The following GPHN variants were observed in gnomAD, a reference collection of about 807,000 sequenced individuals.
GPHN encodes gephyrin.
Under a neutral mutation model 95.5 loss-of-function variants are expected in GPHN, and 17 were observed. The observed-to-expected ratio is 0.18, with a 90% CI of 0.12 to 0.27. The LOEUF (loss-of-function observed/expected upper bound fraction) is 0.27, where lower values mean the gene tolerates loss of function less well. Ranked by LOEUF, GPHN falls within the 10% of genes least tolerant of loss-of-function variation. GPHN has a pLI of 1.00. For missense variants in GPHN, 660 were observed against 978.1 expected (o/e 0.67, Z 4.34); for synonymous variants, 320 against 322.5 (o/e 0.99, Z 0.08).
rs753733792 is a variant in GPHN at position 66,776,473 on chromosome 14, G to T, written c.153G>T (p.Gly51=). ...DLVQDPSLLG[G]TISAYKIVPD... ...CTTCTCCTAATTTCAGGTTGGGTGG[G>T]ACTATATCAGCATACAAGATAGTAC... Residue 51 remains glycine (G), a synonymous_variant, in exon 3 of 23, where the codon GGG becomes GGT. Coordinates refer to ENST00000478722, the MANE Select transcript of GPHN (RefSeq NM_020806.5). 1 of 1,562,546 alleles carries T rather than the reference G, an allele frequency of 6.4e-7. No individual in the cohort carries two copies. Among genetic ancestry groups the T allele is most frequent in the Non-Finnish European group, 8.8e-7 (1 of 1,135,224 alleles).
chr14:66,772,100 C>G (rs1407042000), intron 2 of GPHN, among the ~76,000 whole-genome samples: 1 of 150,938 alleles, frequency 6.6e-6, no homozygotes, highest in Non-Finnish European at 1.5e-5. Flanking sequence ...AAAAATAAAC[C>G]TTTGTCCTTT....
chr14:67,585,740 C>G, the GPHN span: 8 of 1,138,472 alleles, frequency 7.0e-6, 1 homozygote, highest in South Asian at 1.1e-4. Flanking sequence ...AAAGCCTGAA[C>G]CAAGTGACCA....
At chr14:66,891,969 TAATA>T (rs1040944275) in intron 5 of GPHN, among the ~76,000 whole-genome samples, 3 of 152,150 alleles carry the variant, frequency 2.0e-5, no homozygotes, top group Admixed American at 1.3e-4. Flanking sequence ...AAAAAAATAA[TAATA>T]AATAAGTGGT....
chr14:66,984,497 A>G (rs951851526), intron 9 of GPHN, among the ~76,000 whole-genome samples: 2 of 152,216 alleles, frequency 1.3e-5, no homozygotes, highest in Non-Finnish European at 2.9e-5. Flanking sequence ...AAGTTGATGC[A>G]ACTCTTATAT....
At chr14:67,301,863 A>C in the GPHN span, 1 of 1,207,508 alleles carries the variant, frequency 8.3e-7, no homozygotes, top group Non-Finnish European at 1.1e-6. Flanking sequence ...AATTAATTAT[A>C]ACACTTTTAA....
At chr14:66,915,576 T>C (rs140323378) in intron 5 of GPHN, among the ~76,000 whole-genome samples, 12 of 152,336 alleles carry the variant, frequency 7.9e-5, no homozygotes, top group South Asian at 6.2e-4. Context: ...TTAAAACTTA[T>C]AGACTTCCTG....
intron 2 of GPHN, among the ~76,000 whole-genome samples, chr14:66,736,303 T>A (rs2153436708): frequency 6.6e-6 from 1 of 152,276 alleles, no homozygotes; most frequent in East Asian, 1.9e-4. Context: ...AAAATTGTAT[T>A]TTGGTCACCT....
chr14:67,100,736 TC>T, intron 12 of GPHN, 119 bp from the exon 13 acceptor site: 1 of 729,016 alleles, frequency 1.4e-6, no homozygotes, highest in Non-Finnish European at 2.5e-6. Context: ...AGAAAAATAT[TC>T]CACTTCTCTA....
At chr14:66,691,669 C>G (rs2067791557) in intron 2 of GPHN, among the ~76,000 whole-genome samples, 1 of 152,048 alleles carries the variant, frequency 6.6e-6, no homozygotes, top group Non-Finnish European at 1.5e-5. Flanking sequence ...ATCATTTGGC[C>G]CACTAAGCTG....
chr14:67,457,591 G>C, the GPHN span, among the ~76,000 whole-genome samples: 1 of 152,198 alleles, frequency 6.6e-6, no homozygotes, highest in Non-Finnish European at 1.5e-5. Flanking sequence ...GAGCAACAGA[G>C]AGAGACTTTG....
chr14:66,932,440 C>A (rs571859295), intron 8 of GPHN, among the ~76,000 whole-genome samples: 3 of 84,766 alleles, frequency 3.5e-5, no homozygotes, highest in Non-Finnish European at 7.1e-5. Flanking sequence ...CCTGCCAAGA[C>A]CAGGTTTTTT....
At chr14:66,586,879 G>A (rs2061442859) in intron 1 of GPHN, among the ~76,000 whole-genome samples, 1 of 151,956 alleles carries the variant, frequency 6.6e-6, no homozygotes, top group South Asian at 2.1e-4. Flanking sequence ...CTAGTTTATA[G>A]TAGCAAAGAA....
chr14:67,678,334 A>G, the GPHN span: 2 of 1,611,780 alleles, frequency 1.2e-6, no homozygotes, highest in Non-Finnish European at 1.7e-6. Context: ...GTCTATTGGG[A>G]GGCCCAGCAG....
At chr14:66,779,670 T>G (rs2059535558) in intron 3 of GPHN, among the ~76,000 whole-genome samples, 1 of 151,820 alleles carries the variant, frequency 6.6e-6, no homozygotes, top group Non-Finnish European at 1.5e-5. Context: ...CCCAGGAAAT[T>G]GGAGTTTTAT....
chr14:67,049,005 T>A (rs1174958161), intron 10 of GPHN, among the ~76,000 whole-genome samples: 1 of 152,204 alleles, frequency 6.6e-6, no homozygotes, highest in Non-Finnish European at 1.5e-5. Flanking sequence ...TTTTTTAAAA[T>A]GTTTCATTCC....
At chr14:67,208,109 T>C in the GPHN span, 5 of 1,531,386 alleles carry the variant, frequency 3.3e-6, no homozygotes, top group Admixed American at 6.1e-5. Context: ...TGACGATGAA[T>C]GAAATGGTGC....
At chr14:66,688,059 C>T (rs1210332109) in intron 2 of GPHN, among the ~76,000 whole-genome samples, 2 of 152,054 alleles carry the variant, frequency 1.3e-5, no homozygotes, top group Non-Finnish European at 2.9e-5. Flanking sequence ...TTAACAATGA[C>T]ATAAACAGTT....
At chr14:67,204,886 T>C in the GPHN span, 1 of 1,613,916 alleles carries the variant, frequency 6.2e-7, no homozygotes, top group Non-Finnish European at 8.5e-7. Context: ...TTTCCCAGAA[T>C]TCACAGACAT....
intron 10 of GPHN, among the ~76,000 whole-genome samples, chr14:67,039,206 G>A (rs144912816): frequency 4.6e-5 from 7 of 152,136 alleles, no homozygotes; most frequent in African/African-American, 1.7e-4. Flanking sequence ...GCTTCATTGG[G>A]CAATTTCGCA....
Sources: gnomAD v4.1 joint callset for allele counts (sites outside exome capture counted in the v4.1 genomes callset) on GRCh38, gnomAD v4.1.1 for gene constraint, MANE v1.5 for transcripts, NCBI Gene and HGNC (gene_info 2026-07-23, HGNC 2026-07-21) for gene names.